Variants in ASXL3 observed in about 807,000 individuals in gnomAD.
The protein encoded by ASXL3 is ASXL transcriptional regulator 3, also known as putative Polycomb group protein ASXL3.
Under a neutral mutation model 170.6 loss-of-function variants are expected in ASXL3, and 34 were observed. The observed-to-expected ratio is 0.20, with a 90% CI of 0.15 to 0.27. The LOEUF (loss-of-function observed/expected upper bound fraction) is 0.27, where lower values mean the gene tolerates loss of function less well. Ranked by LOEUF, ASXL3 falls within the 10% of genes least tolerant of loss-of-function variation. ASXL3 has a pLI of 1.00. For missense variants in ASXL3, 2,592 were observed against 2,695.3 expected (o/e 0.96, Z 0.85); for synonymous variants, 1,002 against 989.1 (o/e 1.01, Z -0.24).
intron 2 of ASXL3, among the ~76,000 whole-genome samples, chr18:33,640,101 T>A (rs1295000987): frequency 6.6e-6 from 1 of 152,092 alleles, no homozygotes; most frequent in Non-Finnish European, 1.5e-5. Context: ...AAATCTTTCT[T>A]ATTCCTCTTA....
chr18:33,581,472 A>AGTGTGTGTGTGTGTGTGTGTGTGTGT (rs150752638), intron 1 of ASXL3, among the ~76,000 whole-genome samples: 7 of 145,204 alleles, frequency 4.8e-5, no homozygotes, highest in African/African-American at 1.8e-4. Context: ...TGCTGGAGTG[A>AGTGTGTGTGTGTGTGTGTGTGTGTGT]GTGTGTGTGT....
rs540726759 is a variant in ASXL3 at position 33,664,691 on chromosome 18, A to G, written c.477+2954A>G. Among the ~76,000 whole-genome samples, 26 of 152,312 alleles carry G rather than the reference A, an allele frequency of 1.7e-4. No homozygotes were observed. In the South Asian group the frequency reaches 5.4e-3, roughly 32 times the overall value. Reference sequence around the variant, plus strand: ...TAATTTCTCAAGTCTGAAGGCCTGTACTTTCTACCCCTGCCTAAAGCATGT... The same window carrying G: ...TAATTTCTCAAGTCTGAAGGCCTGTGCTTTCTACCCCTGCCTAAAGCATGT... On this transcript the variant is annotated intron_variant, in intron 5 of 11. Coordinates refer to ENST00000269197, the MANE Select transcript of ASXL3 (RefSeq NM_030632.3).
At chr18:33,688,777 C>T (rs550545599) in intron 8 of ASXL3, among the ~76,000 whole-genome samples, 52 of 152,220 alleles carry the variant, frequency 3.4e-4, no homozygotes, top group Non-Finnish European at 5.4e-4. Context: ...TTCACATCCA[C>T]ACTTCAGTCT....
intron 8 of ASXL3, among the ~76,000 whole-genome samples, chr18:33,730,160 A>G (rs1180818551): frequency 1.3e-5 from 2 of 152,006 alleles, no homozygotes; most frequent in South Asian, 2.1e-4. Context: ...TGTCAAATTG[A>G]TAGGGAGTTG....
chr18:33,647,298 G>A (rs2065930538), intron 4 of ASXL3, among the ~76,000 whole-genome samples: 1 of 152,082 alleles, frequency 6.6e-6, no homozygotes, highest in African/African-American at 2.4e-5. Context: ...CTGTAAGACT[G>A]TTACTGCTTC....
rs927790906 is a variant in ASXL3, at chr18:33,644,029, A to G, written c.138-865A>G. On this transcript the variant is annotated intron_variant, in intron 2 of 11. Coordinates refer to ENST00000269197, the MANE Select transcript of ASXL3 (RefSeq NM_030632.3). Reference sequence around the variant, plus strand: ...GCTTCTAAATATTAGTTTGCAATCAAAACACAAAATTTGTTCCAAAATCTA... The same window carrying G: ...GCTTCTAAATATTAGTTTGCAATCAGAACACAAAATTTGTTCCAAAATCTA... Among the ~76,000 whole-genome samples, 14 of 152,066 alleles carry G rather than the reference A, an allele frequency of 9.2e-5. 1 individual carries two copies. In the Middle Eastern group the frequency reaches 0.01, roughly 111 times the overall value.
intron 4 of ASXL3, among the ~76,000 whole-genome samples, chr18:33,654,579 T>C (rs1055990353): frequency 1.3e-5 from 2 of 152,092 alleles, no homozygotes; most frequent in African/African-American, 4.8e-5. Context: ...CTTTTGCTGA[T>C]CTCCTTCCTG....
chr18:33,588,930 T>C (rs565057956), intron 1 of ASXL3, among the ~76,000 whole-genome samples: 2 of 152,334 alleles, frequency 1.3e-5, no homozygotes, highest in South Asian at 2.1e-4. Context: ...TACATTCTTA[T>C]ATTTTTTTCT....
At chr18:33,654,733 GC>G (rs2066056511) in intron 4 of ASXL3, among the ~76,000 whole-genome samples, 6 of 151,786 alleles carry the variant, frequency 4.0e-5, no homozygotes, top group Non-Finnish European at 4.4e-5. Flanking sequence ...CACACAAACA[GC>G]ATATAGTATT....
At chr18:33,607,288 C>A (rs1046694253) in intron 1 of ASXL3, among the ~76,000 whole-genome samples, 1 of 151,912 alleles carries the variant, frequency 6.6e-6, no homozygotes, top group Non-Finnish European at 1.5e-5. Context: ...ATTTTAGCAA[C>A]TTTTTAAATA....
chr18:33,714,753 G>A (rs192371321), intron 8 of ASXL3, among the ~76,000 whole-genome samples: 58 of 151,582 alleles, frequency 3.8e-4, no homozygotes, highest in Admixed American at 3.5e-3. Context: ...CTCCTCCCCC[G>A]GTCTTTCTCT....
At chr18:33,714,921 A>ATTTCTTGTGGACTGGTTTAAAT (rs2067138318) in intron 8 of ASXL3, among the ~76,000 whole-genome samples, 1 of 152,098 alleles carries the variant, frequency 6.6e-6, no homozygotes, top group South Asian at 2.1e-4. Flanking sequence ...GACTGGTTTA[A>ATTTCTTGTGGACTGGTTTAAAT]TTCAGTTCAA....
In ASXL3 at chr18:33,739,818, C is replaced by G; in HGVS notation, c.2414C>G (p.Ser805Cys). 3.7e-6 allele frequency: 6 copies of G among 1,613,878 alleles called. No individual in the cohort carries two copies. The highest frequency in any genetic ancestry group is 1.1e-5 in the South Asian group (1 of 91,070). ...ENLTSQQKNLSNTPEPIIMSS... is the reference protein window; with the variant it reads ...ENLTSQQKNLCNTPEPIIMSS... ...CTTACCTCCCAGCAGAAGAATCTGT[C>G]TAATACTCCCGAACCCATCATAATG... The change falls in exon 11 of 12, where the codon TCT becomes TGT. Residue 805 changes from serine to cysteine, a missense_variant. Physicochemically the swap from Ser to Cys is moderately radical, Grantham distance 112. Coordinates refer to ENST00000269197, the MANE Select transcript of ASXL3 (RefSeq NM_030632.3).
intron 5 of ASXL3, among the ~76,000 whole-genome samples, chr18:33,666,678 C>T (rs2145244620): frequency 6.6e-6 from 1 of 152,182 alleles, no homozygotes; most frequent in East Asian, 1.9e-4. Context: ...CTCAAAGCTG[C>T]AGACAGTATG....
intron 1 of ASXL3, among the ~76,000 whole-genome samples, chr18:33,591,208 C>T (rs2065073740): frequency 6.6e-6 from 1 of 152,176 alleles, no homozygotes; most frequent in African/African-American, 2.4e-5. Context: ...CCAAATGAAT[C>T]AAATATAGTG....
chr18:33,731,670 C>T (rs760642298), intron 8 of ASXL3, among the ~76,000 whole-genome samples: 1 of 152,144 alleles, frequency 6.6e-6, no homozygotes, highest in Non-Finnish European at 1.5e-5. Context: ...CCAAGGAGAA[C>T]ACTAATTATT....
intron 2 of ASXL3, among the ~76,000 whole-genome samples, chr18:33,623,162 T>G (rs943816152): frequency 3.3e-5 from 5 of 152,176 alleles, no homozygotes; most frequent in African/African-American, 7.2e-5. Flanking sequence ...GAAGAATTCT[T>G]TCACTCCTTT....
intron 4 of ASXL3, among the ~76,000 whole-genome samples, chr18:33,648,488 G>T (rs754552067): frequency 6.6e-6 from 1 of 152,086 alleles, no homozygotes; most frequent in Non-Finnish European, 1.5e-5. Flanking sequence ...CCAGTTAAGG[G>T]GAGGGGCGTT....
At chr18:33,741,072 A>G (rs867657493) in intron 11 of ASXL3, among the ~76,000 whole-genome samples, 1 of 152,190 alleles carries the variant, frequency 6.6e-6, no homozygotes. Context: ...TTATGGTTGT[A>G]CTTACTCTTT....
Sources: allele counts gnomAD v4.1 joint callset (sites outside exome capture counted in the v4.1 genomes callset), GRCh38; gene constraint gnomAD v4.1.1; transcripts MANE v1.5; gene names NCBI Gene and HGNC (gene_info 2026-07-23, HGNC 2026-07-21).